KLRG2: variants seen among roughly 807,000 people sequenced by gnomAD.
KLRG2 encodes killer cell lectin like receptor G2.
KLRG2 carries 39 observed loss-of-function variants against 35.4 expected under a neutral mutation model. The ratio of observed to expected loss-of-function variants is 1.10; its 90% CI spans 0.85 to 1.44. The LOEUF is 1.44. KLRG2 is among the 40% of genes most tolerant of loss of function. KLRG2 has a pLI of 0.00. For missense variants in KLRG2, 632 were observed against 570.9 expected (o/e 1.11, Z -1.09); for synonymous variants, 283 against 265.8 (o/e 1.06, Z -0.63).
intron 3 of KLRG2, among the ~76,000 whole-genome samples, chr7:139,458,437 A>T (rs544205674): frequency 6.6e-6 from 1 of 152,280 alleles, no homozygotes; most frequent in East Asian, 1.9e-4. Context: ...TACCATTTTA[A>T]CCATGATAAG....
chr7:139,435,136 A>G, the KLRG2 span, among the ~76,000 whole-genome samples: 2 of 152,324 alleles, frequency 1.3e-5, no homozygotes, highest in African/African-American at 4.8e-5. Context: ...ATGCCTAAAA[A>G]TGATAATGGC....
rs111864271 is a variant in KLRG2, at chr7:139,469,490, C to T, written c.1005+10137G>A. Among the ~76,000 whole-genome samples the T allele has an allele frequency of 4.7e-3, 714 of 151,714 alleles. 4 individuals are homozygous for T. The highest frequency in any genetic ancestry group is 0.012 in the African/African-American group (514 of 41,334). On this transcript the variant is annotated intron_variant, in intron 3 of 4. Coordinates refer to ENST00000340940, the MANE Select transcript of KLRG2 (RefSeq NM_198508.4). ...ATTTATTTTTTGAGACAGAGTTTCG[C>T]TCCGTCACCCAGTAGCGCGATCTCG...
chr7:139,431,247 C>T, the KLRG2 span, among the ~76,000 whole-genome samples: 1 of 152,106 alleles, frequency 6.6e-6, no homozygotes, highest in Non-Finnish European at 1.5e-5. Flanking sequence ...TGGGGCCGGA[C>T]CTCAGGGAGG....
chr7:139,431,892 T>G, the KLRG2 span, among the ~76,000 whole-genome samples: 2 of 152,154 alleles, frequency 1.3e-5, no homozygotes, highest in African/African-American at 4.8e-5. Context: ...AAAAAGCAGT[T>G]GCAGGAAGCA....
At chr7:139,447,488 C>A in the KLRG2 span, among the ~76,000 whole-genome samples, 1 of 151,558 alleles carries the variant, frequency 6.6e-6, no homozygotes, top group Non-Finnish European at 1.5e-5. Context: ...GCAGCTTTCA[C>A]CACCTGGGTT....
chr7:139,429,325 C>A, the KLRG2 span, among the ~76,000 whole-genome samples: 1 of 152,012 alleles, frequency 6.6e-6, no homozygotes, highest in South Asian at 2.1e-4. Flanking sequence ...GTAAATAAAT[C>A]ATCACTTCAA....
chr7:139,433,311 G>GTTT, the KLRG2 span, among the ~76,000 whole-genome samples: 1 of 148,536 alleles, frequency 6.7e-6, no homozygotes, highest in Non-Finnish European at 1.5e-5. Flanking sequence ...GTGGTGTGTG[G>GTTT]TTTTTTTTTT....
At chr7:139,466,929 G>A (rs1569413156) in intron 3 of KLRG2, among the ~76,000 whole-genome samples, 2 of 150,208 alleles carry the variant, frequency 1.3e-5, no homozygotes, top group Non-Finnish European at 3.0e-5. Flanking sequence ...CTCTCTAATT[G>A]GATGTCCTGG....
intron 3 of KLRG2, among the ~76,000 whole-genome samples, chr7:139,470,615 G>C (rs1454499349): frequency 6.6e-6 from 1 of 152,004 alleles, no homozygotes; most frequent in Non-Finnish European, 1.5e-5. Flanking sequence ...AACATAGTAA[G>C]ATTTCATCTC....
chr7:139,463,827 T>A (rs138095716), intron 3 of KLRG2, among the ~76,000 whole-genome samples: 2 of 152,144 alleles, frequency 1.3e-5, no homozygotes, highest in Non-Finnish European at 2.9e-5. Flanking sequence ...GTAACTCTTA[T>A]AGAGTGAAGG....
At chr7:139,473,555 G>C (rs1796797350) in intron 3 of KLRG2, among the ~76,000 whole-genome samples, 2 of 152,106 alleles carry the variant, frequency 1.3e-5, no homozygotes, top group South Asian at 4.1e-4. Flanking sequence ...CACAACATTT[G>C]AGGAAATTTT....
At chr7:139,436,523 G>A in the KLRG2 span, among the ~76,000 whole-genome samples, 3 of 152,112 alleles carry the variant, frequency 2.0e-5, no homozygotes, top group South Asian at 2.1e-4. Context: ...AGGATGTCAC[G>A]GAAGTTGACA....
intron 3 of KLRG2, among the ~76,000 whole-genome samples, chr7:139,470,316 C>A (rs528926168): frequency 6.6e-6 from 1 of 152,248 alleles, no homozygotes; most frequent in South Asian, 2.1e-4. Context: ...CCTCAGCCTC[C>A]CGAATTGCTG....
chr7:139,461,516 G>A (rs922023665), intron 3 of KLRG2, among the ~76,000 whole-genome samples: 5 of 152,142 alleles, frequency 3.3e-5, no homozygotes, highest in Non-Finnish European at 5.9e-5. Context: ...TGACCTGCAC[G>A]TATACATCCA....
rs549983841 is a variant in KLRG2 at position 139,478,424 on chromosome 7, CTT to C, written c.1005+1201_1005+1202del. 4.7e-5 allele frequency among the ~76,000 whole-genome samples: 7 copies of C among 149,962 alleles called. No individual in the cohort carries two copies. The South Asian group carries it at 1.5e-3, about 32-fold the overall frequency. ...GTGGCTCACACCTGTAATCCCAGCACTTTGGGAGGCCGAGGCGGGCGGATTAC... is the reference window on the plus strand; with the variant it reads ...GTGGCTCACACCTGTAATCCCAGCACTGGGAGGCCGAGGCGGGCGGATTAC... On this transcript the variant is annotated intron_variant, in intron 3 of 4. Coordinates refer to ENST00000340940, the MANE Select transcript of KLRG2 (RefSeq NM_198508.4).
intron 1 of KLRG2, among the ~76,000 whole-genome samples, chr7:139,480,826 C>T (rs1377220508): frequency 1.3e-5 from 2 of 150,262 alleles, no homozygotes; most frequent in African/African-American, 2.5e-5. Flanking sequence ...TCACTGCAAC[C>T]TCCACCTCCT....
chr7:139,473,091 G>A (rs1796788647), intron 3 of KLRG2, among the ~76,000 whole-genome samples: 1 of 152,182 alleles, frequency 6.6e-6, no homozygotes, highest in African/African-American at 2.4e-5. Context: ...AGACCAGCCT[G>A]GCCAACATGG....
chr7:139,465,765 C>T (rs1249464363), intron 3 of KLRG2, among the ~76,000 whole-genome samples: 1 of 151,912 alleles, frequency 6.6e-6, no homozygotes, highest in Non-Finnish European at 1.5e-5. Flanking sequence ...CAAAAGGCAT[C>T]AGACCTCTCA....
At chr7:139,481,222 C>A (rs531388824) in intron 1 of KLRG2, among the ~76,000 whole-genome samples, 1 of 152,096 alleles carries the variant, frequency 6.6e-6, no homozygotes, top group East Asian at 1.9e-4. Context: ...GGAATGCAGC[C>A]CCACTGAAAA....
Sources: gnomAD v4.1 joint callset for allele counts (sites outside exome capture counted in the v4.1 genomes callset) on GRCh38, gnomAD v4.1.1 for gene constraint, MANE v1.5 for transcripts, NCBI Gene and HGNC (gene_info 2026-07-23, HGNC 2026-07-21) for gene names.